The following SHROOM3 variants were observed in gnomAD, a reference collection of about 807,000 sequenced individuals.
The protein encoded by SHROOM3 is shroom family member 3, also known as protein Shroom3.
Under a neutral mutation model 138.6 loss-of-function variants are expected in SHROOM3, and 47 were observed. The ratio of observed to expected loss-of-function variants is 0.34; its 90% CI spans 0.27 to 0.43. The LOEUF (loss-of-function observed/expected upper bound fraction) is 0.43. Among genes scored for constraint, SHROOM3 ranks in the 20% least tolerant of loss-of-function variants. The pLI is 1.00. For synonymous variants in SHROOM3, 1,062 were observed against 1,063.3 expected (o/e 1.00, Z 0.02); for missense variants, 2,491 against 2,596.5 (o/e 0.96, Z 0.88).
intron 2 of SHROOM3, among the ~76,000 whole-genome samples, chr4:76,606,967 T>C (rs1295425603): frequency 6.6e-6 from 1 of 152,090 alleles, no homozygotes; most frequent in African/African-American, 2.4e-5. Context: ...AATTTCAAAA[T>C]CTTCAAAAAT....
rs1013529112 is a variant in SHROOM3 at position 76,755,304 on chromosome 4, T to C, written c.4709+112T>C. On this transcript the variant is annotated intron_variant, in intron 7 of 10. Transcript: ENST00000296043. ...GAACCCTGGCATGGAGATGTTTCTA[T>C]ACAGCTCAGCTCAGGACACTGTTGA... The C allele has an allele frequency of 2.5e-5, 32 of 1,284,522 alleles. No individual in the cohort carries two copies. The Admixed American group carries it at 3.0e-4, about 12-fold the overall frequency. 79.6% of individuals were successfully genotyped at this position (1,284,522 alleles called of 1,614,324 possible).
At chr4:76,689,640 A>G in intron 2 of SHROOM3, 1 of 985,102 alleles carries the variant, frequency 1.0e-6, no homozygotes, top group Non-Finnish European at 1.2e-6. Flanking sequence ...CGAAGTTTGA[A>G]CTTGGCGTCG....
intron 2 of SHROOM3, among the ~76,000 whole-genome samples, chr4:76,579,153 TG>T (rs1413919075): frequency 2.6e-5 from 4 of 152,126 alleles, no homozygotes; most frequent in African/African-American, 9.7e-5. Flanking sequence ...CTCTCCAGCC[TG>T]GGCGACAGAG....
intron 2 of SHROOM3, chr4:76,688,252 T>C: frequency 3.3e-6 from 1 of 305,334 alleles, no homozygotes. Flanking sequence ...AGGAGGATAA[T>C]ACTTTATGGC....
At chr4:76,757,040 A>G in intron 8 of SHROOM3, 103 bp downstream of exon 8, 1 of 1,576,008 alleles carries the variant, frequency 6.3e-7, no homozygotes, top group South Asian at 1.1e-5. Context: ...CTACTGCCAC[A>G]GCTCCTGAAC....
intron 2 of SHROOM3, among the ~76,000 whole-genome samples, chr4:76,653,464 C>T (rs774816949): frequency 2.6e-5 from 4 of 151,654 alleles, no homozygotes; most frequent in Non-Finnish European, 5.9e-5. Context: ...TGGTTGAGAA[C>T]CAGCATTCTA....
At chr4:76,533,009 G>T (rs1007507374) in intron 1 of SHROOM3, among the ~76,000 whole-genome samples, 8 of 152,312 alleles carry the variant, frequency 5.3e-5, no homozygotes, top group African/African-American at 1.4e-4. Flanking sequence ...CTGGACAAAG[G>T]GAGGATTCAC....
intron 2 of SHROOM3, among the ~76,000 whole-genome samples, chr4:76,698,707 C>T (rs1216126565): frequency 6.6e-6 from 1 of 152,168 alleles, no homozygotes; most frequent in Non-Finnish European, 1.5e-5. Flanking sequence ...CATTCACCAA[C>T]AGCCATCCCT....
In SHROOM3 at chr4:76,740,741, A is replaced by C. The variant is rs781523119; in HGVS notation, c.2568A>C (p.Glu856Asp). 6.2e-7 allele frequency: 1 copy of C among 1,613,302 alleles called. No individual in the cohort carries two copies. Among genetic ancestry groups the C allele is most frequent in the South Asian group, 1.1e-5 (1 of 91,084 alleles). ...TCAAAAACGGGGAGCTGAAGTTGGA[A>C]GAGGCTTCCCGGCAGCCCTGCGGTC... The part of the protein sequence containing the change: ...QHFKNGELKL[E>D]EASRQPCGQQ... The change falls in exon 5 of 11, where the codon GAA becomes GAC. Residue 856 changes from glutamate (E) to aspartate (D), a missense_variant. This residue lies in a region of SHROOM3 where 1,733 missense variants were observed against 1,661.6 expected (regional missense o/e 1.04). Coordinates refer to ENST00000296043, the MANE Select transcript of SHROOM3 (RefSeq NM_020859.4). The surrounding 1 kb of genome is among the most constrained non-coding windows in gnomAD (Gnocchi z 4.0).
intron 2 of SHROOM3, among the ~76,000 whole-genome samples, chr4:76,681,643 G>A (rs1482894181): frequency 8.3e-6 from 1 of 120,286 alleles, no homozygotes; most frequent in Non-Finnish European, 1.8e-5. Flanking sequence ...GTATGTGTCT[G>A]GATGAGATTG....
chr4:76,522,873 A>G (rs1279717967), intron 1 of SHROOM3, among the ~76,000 whole-genome samples: 1 of 152,240 alleles, frequency 6.6e-6, no homozygotes, highest in Non-Finnish European at 1.5e-5. Flanking sequence ...CATATCTTTT[A>G]TATTTCACAT....
At chr4:76,730,184 A>G (rs1720832093) in intron 3 of SHROOM3, among the ~76,000 whole-genome samples, 1 of 152,234 alleles carries the variant, frequency 6.6e-6, no homozygotes, top group South Asian at 2.1e-4. Context: ...TTGTAAGGGC[A>G]GGATGTTTAA....
At chr4:76,472,671 A>G (rs1338812137) in intron 1 of SHROOM3, among the ~76,000 whole-genome samples, 1 of 150,580 alleles carries the variant, frequency 6.6e-6, no homozygotes, top group Non-Finnish European at 1.5e-5. Flanking sequence ...ATATTCCTGA[A>G]TAAACCTTGG....
intron 1 of SHROOM3, among the ~76,000 whole-genome samples, chr4:76,531,654 C>T (rs10006052): frequency 0.51 from 77,886 of 152,014 alleles, 20,797 homozygotes; most frequent in African/African-American, 0.66. Flanking sequence ...AGGTGTTCAG[C>T]ACAGCACTTA....
intron 1 of SHROOM3, among the ~76,000 whole-genome samples, chr4:76,479,098 C>T (rs1345939491): frequency 1.3e-5 from 2 of 151,876 alleles, no homozygotes; most frequent in South Asian, 2.1e-4. Flanking sequence ...CAACTCCTCG[C>T]CAACAAGGGA....
At chr4:76,721,004 C>CA (rs1720530467) in intron 3 of SHROOM3, among the ~76,000 whole-genome samples, 1 of 151,820 alleles carries the variant, frequency 6.6e-6, no homozygotes, top group African/African-American at 2.4e-5. Context: ...CAGTAATTAT[C>CA]AAAATTGGAA....
intron 2 of SHROOM3, among the ~76,000 whole-genome samples, chr4:76,660,869 C>A (rs1262685862): frequency 6.6e-6 from 1 of 152,134 alleles, no homozygotes; most frequent in African/African-American, 2.4e-5. Context: ...GGAGCACAAT[C>A]ATAGCTCACT....
intron 9 of SHROOM3, among the ~76,000 whole-genome samples, chr4:76,764,889 G>C (rs1722097001): frequency 6.6e-6 from 1 of 152,214 alleles, no homozygotes; most frequent in Admixed American, 6.5e-5. Flanking sequence ...ACCAAATTCT[G>C]GAAGTTTTCA....
chr4:76,617,502 A>G (rs1216972741), intron 2 of SHROOM3, among the ~76,000 whole-genome samples: 2 of 152,376 alleles, frequency 1.3e-5, no homozygotes, highest in East Asian at 1.9e-4. Context: ...CTGATGATAC[A>G]TTAATACAAA....
Sources: allele counts gnomAD v4.1 joint callset (sites outside exome capture counted in the v4.1 genomes callset), GRCh38; gene constraint gnomAD v4.1.1; regional missense constraint gnomAD v4.1.1; non-coding constraint Gnocchi (gnomAD v3.1); transcripts MANE v1.5; gene names NCBI Gene and HGNC (gene_info 2026-07-23, HGNC 2026-07-21).